The following PISD variants were observed in gnomAD, a reference collection of about 807,000 sequenced individuals.
PISD encodes phosphatidylserine decarboxylase, also known as phosphatidylserine decarboxylase proenzyme, mitochondrial.
Under a neutral mutation model 43.5 loss-of-function variants are expected in PISD, and 31 were observed. The observed-to-expected ratio is 0.71, with a 90% CI of 0.54 to 0.96. The LOEUF (loss-of-function observed/expected upper bound fraction) is 0.96, where lower values mean the gene tolerates loss of function less well. PISD is among the 40% of genes least tolerant of loss of function. PISD has a pLI of 0.00. For missense variants in PISD, 523 were observed against 548.4 expected (o/e 0.95, Z 0.46); for synonymous variants, 259 against 228.7 (o/e 1.13, Z -1.20).
In PISD at chr22:31,630,583, C is replaced by G. The variant is rs905119495; in HGVS notation, c.322-8698G>C. 1 of 312,798 alleles carries G rather than the reference C, an allele frequency of 3.2e-6. No homozygotes were observed. Among genetic ancestry groups the G allele is most frequent in the African/African-American group, 2.2e-5 (1 of 44,570 alleles). The allele number at this position is 312,798 out of a possible 1,614,324, so 19.4% of individuals were successfully genotyped here. ...GCTCACGCAGCCCGGGCCGTGCCCA[C>G]GTGGGGACGGAAAAAAAGCCCACGA... is the stretch of plus-strand genomic sequence containing the variant. On this transcript the variant is annotated intron_variant, in intron 3 of 7. Transcript: ENST00000439502. The surrounding 1 kb of genome is among the most constrained non-coding windows in gnomAD (Gnocchi z 4.4).
Position 31,621,831 on chromosome 22 carries a change from G to T in PISD, c.376C>A (p.Leu126Ile). Reference sequence around the variant, plus strand: ...CAGTGTGGCAGCTCCACCTGATTGAGGCGACCCCAGGCCCGTGACAGCAAG... The same window carrying T: ...CAGTGTGGCAGCTCCACCTGATTGATGCGACCCCAGGCCCGTGACAGCAAG... ...TRLLSRAWGRLNQVELPHWLR... is the reference protein window; with the variant it reads ...TRLLSRAWGRINQVELPHWLR... The change falls in exon 4 of 8, where the codon CTC (leucine) becomes ATC (isoleucine). Residue 126 changes from leucine to isoleucine, a missense_variant. Leu to Ile is a conservative substitution (Grantham distance 5). Coordinates refer to ENST00000439502, the MANE Select transcript of PISD (RefSeq NM_001326411.2). 6.2e-7 allele frequency: 1 copy of T among 1,612,748 alleles called. No individual in the cohort carries two copies.
chr22:31,638,420 GA>G, intron 3 of PISD: 1 of 985,432 alleles, frequency 1.0e-6, no homozygotes, highest in Non-Finnish European at 1.2e-6. Context: ...TGGGTCTGTG[GA>G]GGGGCGAGGA....
chr22:31,649,150 T>C (rs969588604), intron 2 of PISD, among the ~76,000 whole-genome samples: 12 of 150,788 alleles, frequency 8.0e-5, no homozygotes, highest in African/African-American at 2.9e-4. Flanking sequence ...AACCCAGGAG[T>C]TCAAGGTTAC....
intron 3 of PISD, among the ~76,000 whole-genome samples, chr22:31,634,743 TG>T (rs1424667984): frequency 8.0e-6 from 1 of 125,124 alleles, no homozygotes; most frequent in African/African-American, 3.1e-5. Context: ...GAGGCTGAGG[TG>T]GGAGAATCGC....
At chr22:31,640,565 CGGTTTGGTTGTTTTT>C (rs1569488700) in intron 3 of PISD, among the ~76,000 whole-genome samples, 9 of 133,032 alleles carry the variant, frequency 6.8e-5, no homozygotes, top group Non-Finnish European at 9.4e-5. Context: ...CTTTTTGTTT[CGGTTTGGTTGTTTTT>C]TTTTTTTTTT....
intron 1 of PISD, among the ~76,000 whole-genome samples, chr22:31,660,048 T>C (rs1480636305): frequency 6.6e-6 from 1 of 152,170 alleles, no homozygotes; most frequent in Non-Finnish European, 1.5e-5. Flanking sequence ...CTATCACCTG[T>C]CACACATCAC....
At chr22:31,639,283 T>C (rs1036059721) in intron 3 of PISD, among the ~76,000 whole-genome samples, 1 of 152,128 alleles carries the variant, frequency 6.6e-6, no homozygotes, top group Non-Finnish European at 1.5e-5. Context: ...GTGATTCTCC[T>C]GTCTCAGCCT....
At chr22:31,637,204 T>TACACAC (rs1556419909) in intron 3 of PISD, among the ~76,000 whole-genome samples, 4 of 95,796 alleles carry the variant, frequency 4.2e-5, no homozygotes, top group African/African-American at 1.7e-4. Flanking sequence ...TATATATATA[T>TACACAC]ATAGAAAAAT....
rs1316762838 is a variant in PISD at position 31,619,548 on chromosome 22, T to C, written c.*64A>G. On this transcript the variant is annotated 3_prime_UTR_variant, in exon 8 of 8. Transcript: ENST00000439502. Reference sequence around the variant, plus strand: ...ACCTGGATGGCCTCATGGGCCTCCCTCTTGAAAAGACCCTCACTCTGTTTG... The same window carrying C: ...ACCTGGATGGCCTCATGGGCCTCCCCCTTGAAAAGACCCTCACTCTGTTTG... 2.1e-6 allele frequency: 3 copies of C among 1,412,542 alleles called. No individual in the cohort carries two copies. Among genetic ancestry groups the C allele is most frequent in the Non-Finnish European group, 2.0e-6 (2 of 1,005,302 alleles). The allele number at this position is 1,412,542 out of a possible 1,614,324, so 87.5% of individuals were successfully genotyped here. A position where few individuals can be genotyped will look rare whatever the true frequency, so the allele number is the denominator to read the frequency against.
At chr22:31,640,592 T>TC (rs1235252075) in intron 3 of PISD, among the ~76,000 whole-genome samples, 1,662 of 142,532 alleles carry the variant, frequency 0.012, 24 homozygotes, top group South Asian at 0.04. Flanking sequence ...TTTTTTTTTT[T>TC]TTTTTTGAGA....
At chr22:31,640,199 CTTTTT>C (rs35782790) in intron 3 of PISD, among the ~76,000 whole-genome samples, 1 of 139,382 alleles carries the variant, frequency 7.2e-6, no homozygotes, top group Non-Finnish European at 1.5e-5. Context: ...TTTCAAGCTA[CTTTTT>C]TTTTTTTTTT....
At chr22:31,644,862 C>T (rs576617473) in intron 3 of PISD, among the ~76,000 whole-genome samples, 2 of 152,226 alleles carry the variant, frequency 1.3e-5, no homozygotes, top group South Asian at 4.1e-4. Flanking sequence ...TGGTGGCTCA[C>T]GCCTGTAATC....
intron 3 of PISD, among the ~76,000 whole-genome samples, chr22:31,634,459 C>A (rs1487560070): frequency 6.6e-6 from 1 of 152,236 alleles, no homozygotes; most frequent in Admixed American, 6.5e-5. Flanking sequence ...CCCGGATACC[C>A]CTGGCACATT....
chr22:31,639,282 C>CT (rs2073618666), intron 3 of PISD, among the ~76,000 whole-genome samples: 1 of 152,148 alleles, frequency 6.6e-6, no homozygotes, highest in South Asian at 2.1e-4. Flanking sequence ...AGTGATTCTC[C>CT]TGTCTCAGCC....
At chr22:31,659,945 T>A (rs1161594219) in intron 1 of PISD, among the ~76,000 whole-genome samples, 1 of 151,998 alleles carries the variant, frequency 6.6e-6, no homozygotes, top group Non-Finnish European at 1.5e-5. Context: ...CCAAGGAATC[T>A]CTATTTCTAA....
chr22:31,630,788 G>T lies in PISD; in HGVS notation c.322-8903C>A, dbSNP rs1056040989. The T allele has an allele frequency of 3.0e-6, 3 of 985,468 alleles. No individual in the cohort carries two copies. The African/African-American group carries it at 5.2e-5, about 17-fold the overall frequency. 61.0% of individuals were successfully genotyped at this position (985,468 alleles called of 1,614,324 possible). On this transcript the variant is annotated intron_variant, in intron 3 of 7. Transcript: ENST00000439502. This position sits in a 1 kb window ranked among gnomAD's most constrained non-coding sequence, Gnocchi z 4.4. ...GGGCTCCCGGCAGGGCCGGGGCGCC[G>T]GCTCCGCTCACTCACCCGCAGGTGG...
intron 7 of PISD, 55 bp from the exon 8 acceptor site, chr22:31,619,891 A>G (rs1180783955): frequency 8.5e-7 from 1 of 1,178,436 alleles, no homozygotes; most frequent in Non-Finnish European, 1.2e-6. Flanking sequence ...GCACAGTGTC[A>G]CCCCCACATG....
intron 3 of PISD, among the ~76,000 whole-genome samples, chr22:31,646,949 C>T (rs1284744381): frequency 1.3e-5 from 2 of 151,956 alleles, no homozygotes; most frequent in South Asian, 2.1e-4. Flanking sequence ...CATGGACATA[C>T]AGGGCAAGAG....
Position 31,637,191 on chromosome 22 carries a change from A to C in PISD, c.321+10910T>G. Among the ~76,000 whole-genome samples the C allele has an allele frequency of 2.0e-5, 2 of 101,132 alleles. 1 individual carries two copies. The highest frequency in any genetic ancestry group is 6.1e-4 in the East Asian group (2 of 3,290). The allele number at this position is 101,132 out of a possible 152,430, so 66.3% of individuals were successfully genotyped here. On this transcript the variant is annotated intron_variant, in intron 3 of 7. Coordinates refer to ENST00000439502, the MANE Select transcript of PISD (RefSeq NM_001326411.2). Reference sequence around the variant, plus strand: ...TATATATATATATATATATATATATATATATATATATATATAGAAAAATTA... The same window carrying C: ...TATATATATATATATATATATATATCTATATATATATATATAGAAAAATTA...
Sources: allele counts gnomAD v4.1 joint callset (sites outside exome capture counted in the v4.1 genomes callset), GRCh38; gene constraint gnomAD v4.1.1; non-coding constraint Gnocchi (gnomAD v3.1); transcripts MANE v1.5; gene names NCBI Gene and HGNC (gene_info 2026-07-23, HGNC 2026-07-21).